The following TXNL4A variants were observed in gnomAD, a reference collection of about 807,000 sequenced individuals.
The protein encoded by TXNL4A is thioredoxin-like protein 4A.
A neutral mutation model predicts 14.6 loss-of-function variants in TXNL4A; 17 were observed. The observed-to-expected ratio is 1.16, with a 90% confidence interval of 0.80 to 1.74. The LOEUF is 1.74. Among genes scored for constraint, TXNL4A ranks in the 40% most tolerant of loss-of-function variants. TXNL4A has a pLI of 0.00. For missense variants in TXNL4A, 74 were observed against 195.2 expected, an observed-to-expected ratio of 0.38 and a Z score of 3.70; for synonymous variants, 83 against 70.6, an observed-to-expected ratio of 1.18 and a Z score of -0.88.
rs1294621155 is a variant in TXNL4A, at chr18:79,982,516, GA to G, written c.154-4816del. Among the ~76,000 whole-genome samples, 4 of 152,170 alleles carry G rather than the reference GA, an allele frequency of 2.6e-5. No homozygotes were observed. The East Asian group carries it at 7.7e-4, about 29-fold the overall frequency. ...GGTGCCAGGCTTGGGAGTGAGTGCA[GA>G]AGCCCACTGTAGAGTTGGGGGCAGG... is the stretch of plus-strand genomic sequence containing the variant. On this transcript the variant is annotated intron_variant, in intron 1 of 2. Transcript: ENST00000269601. This position sits in a 1 kb window ranked among gnomAD's most constrained non-coding sequence, Gnocchi z 4.0.
In TXNL4A at chr18:79,972,411, T is replaced by C. The variant is rs2051311874; in HGVS notation, c.*1274A>G. 6.6e-6 allele frequency: 1 copy of C among 152,214 alleles called. No homozygotes were observed. The highest frequency in any genetic ancestry group is 2.4e-5 in the African/African-American group (1 of 41,412). 9.4% of individuals were successfully genotyped at this position (152,214 alleles called of 1,614,324 possible). A position where few individuals can be genotyped will look rare whatever the true frequency, so the allele number is the denominator to read the frequency against. On this transcript the variant is annotated 3_prime_UTR_variant, in exon 3 of 3. Transcript: ENST00000269601. Reference sequence around the variant, plus strand: ...GGGACACGAAGATCCCAACCAACCATCCACACTGCTAGGATGACAGAGGGC... The same window carrying C: ...GGGACACGAAGATCCCAACCAACCACCCACACTGCTAGGATGACAGAGGGC...
At chr18:79,991,519 A>G (rs1335962468), upstream of TXNL4A, among the ~76,000 whole-genome samples, 1 of 152,242 alleles carries the variant, frequency 6.6e-6, no homozygotes, top group Non-Finnish European at 1.5e-5. Flanking sequence ...ATTCCATTAT[A>G]TGGATATACT....
intron 1 of TXNL4A, among the ~76,000 whole-genome samples, chr18:80,001,472 C>T (rs2051698010): frequency 6.6e-6 from 1 of 152,120 alleles, no homozygotes; most frequent in Admixed American, 6.5e-5. Flanking sequence ...CTGGTAGATC[C>T]ATCAACAGCT....
chr18:80,009,083 A>T (rs978049910), intron 1 of TXNL4A, among the ~76,000 whole-genome samples: 9 of 152,098 alleles, frequency 5.9e-5, no homozygotes, highest in African/African-American at 9.7e-5. Context: ...GGCCTACTTT[A>T]TTTTTCTTTC....
chr18:79,973,493 G>A lies in TXNL4A; in HGVS notation c.*192C>T. The stretch of plus-strand genomic sequence containing the variant: ...GTAATCTATTCATTAAGTTTCCTGA[G>A]AACAAACAAGTAGGCCTGCTCCTCT... On this transcript the variant is annotated 3_prime_UTR_variant, in exon 3 of 3. Transcript: ENST00000269601. 1.8e-6 allele frequency: 1 copy of A among 570,146 alleles called. No homozygotes were observed. Among genetic ancestry groups the A allele is most frequent in the Non-Finnish European group, 2.8e-6 (1 of 354,380 alleles). 35.3% of individuals were successfully genotyped at this position (570,146 alleles called of 1,614,324 possible).
upstream of TXNL4A, among the ~76,000 whole-genome samples, chr18:79,988,782 C>T (rs1301197610): frequency 6.6e-6 from 1 of 151,720 alleles, no homozygotes; most frequent in Non-Finnish European, 1.5e-5. Flanking sequence ...TCCTGAGAAG[C>T]CCCGGGCTCG....
chr18:79,994,966 G>C (rs2051651307), intron 1 of TXNL4A: 1 of 152,238 alleles, frequency 6.6e-6, no homozygotes, highest in Admixed American at 6.5e-5. Flanking sequence ...TATCGCCAGT[G>C]GCAGCCTCTC....
upstream of TXNL4A, among the ~76,000 whole-genome samples, chr18:79,993,416 A>T (rs1274383095): frequency 6.6e-6 from 1 of 152,168 alleles, no homozygotes; most frequent in East Asian, 1.9e-4. The surrounding 1 kb of genome is among the most constrained non-coding windows in gnomAD (Gnocchi z 4.4). Flanking sequence ...AGCACTTTTC[A>T]GCTTGGGCTC....
Position 80,026,943 on chromosome 18 carries a change from C to T in TXNL4A, c.-61+6908G>A, listed in dbSNP as rs1028769082. Among the ~76,000 whole-genome samples, 4 of 152,144 alleles carry T rather than the reference C, an allele frequency of 2.6e-5. No individual in the cohort carries two copies. In the South Asian group the frequency reaches 8.3e-4, roughly 32 times the overall value. ...TAATGTTAAAACATAATCTTGTGAC[C>T]AGGAAAATGAATTGGAGAGAGAGGA... On this transcript the variant is annotated intron_variant, in intron 1 of 2. Transcript: ENST00000585474.
At chr18:80,009,213 A>C (rs1388420874) in intron 1 of TXNL4A, among the ~76,000 whole-genome samples, 1 of 152,230 alleles carries the variant, frequency 6.6e-6, no homozygotes. Flanking sequence ...CCATCATCTT[A>C]CAAGAAGAAA....
In TXNL4A at chr18:79,973,760, C is replaced by T. The variant is rs746566005; in HGVS notation, c.354G>A (p.Thr118=). 5.6e-6 allele frequency: 9 copies of T among 1,614,186 alleles called. No homozygotes were observed. Among genetic ancestry groups the T allele is most frequent in the African/African-American group, 5.3e-5 (4 of 75,032 alleles). The change falls in exon 3 of 3, where the codon ACG becomes ACA. Residue 118 remains threonine, a synonymous_variant. Transcript: ENST00000269601. ...GGCCTTTGCGGGCCCCGCGGTACACCGTCTCGATGATGTCCACCATCTCCT... is the reference window on the plus strand; with the variant it reads ...GGCCTTTGCGGGCCCCGCGGTACACTGTCTCGATGATGTCCACCATCTCCT... ...DKQEMVDIIE[T]VYRGARKGRG... is the part of the protein sequence containing the mutation.
intron 1 of TXNL4A, chr18:79,979,373 A>C (rs1047476055): frequency 2.0e-5 from 3 of 152,222 alleles, no homozygotes; most frequent in African/African-American, 7.2e-5. Context: ...CCCAAATCTC[A>C]GGTTGAAACG....
At chr18:80,008,770 T>C (rs765097403) in intron 1 of TXNL4A, among the ~76,000 whole-genome samples, 3 of 152,096 alleles carry the variant, frequency 2.0e-5, no homozygotes, top group Non-Finnish European at 4.4e-5. Context: ...TTCTACTTCA[T>C]TTTTCTTTCT....
upstream of TXNL4A, among the ~76,000 whole-genome samples, chr18:79,990,817 AC>A (rs1275715035): frequency 6.6e-6 from 1 of 152,010 alleles, no homozygotes; most frequent in Non-Finnish European, 1.5e-5. Context: ...TTTAATAAAA[AC>A]TTTTGGCCGG....
At chr18:80,031,360 G>C (rs958765844) in intron 1 of TXNL4A, among the ~76,000 whole-genome samples, 1 of 152,234 alleles carries the variant, frequency 6.6e-6, no homozygotes, top group Non-Finnish European at 1.5e-5. Context: ...CTAGCTCCAA[G>C]TGGGACATAT....
At chr18:80,028,636 C>T (rs1262896501) in intron 1 of TXNL4A, among the ~76,000 whole-genome samples, 5 of 152,262 alleles carry the variant, frequency 3.3e-5, no homozygotes, top group East Asian at 1.9e-4. Flanking sequence ...GTTTCCTTAT[C>T]AGAGGTAATT....
chr18:79,974,050 A>C (rs890324494), intron 2 of TXNL4A, among the ~76,000 whole-genome samples, 194 bp from the exon 3 acceptor site: 6 of 152,176 alleles, frequency 3.9e-5, no homozygotes, highest in Non-Finnish European at 7.3e-5. Flanking sequence ...GATGCAATGC[A>C]TTGTCCACCA....
intron 1 of TXNL4A, 97 bp downstream of exon 1, chr18:79,988,143 G>C (rs922747802): frequency 7.7e-7 from 1 of 1,299,706 alleles, no homozygotes. Context: ...GCCCCTCCTC[G>C]GGGAACAGCT....
chr18:80,025,193 G>A (rs758833645), intron 1 of TXNL4A, among the ~76,000 whole-genome samples: 1 of 152,196 alleles, frequency 6.6e-6, no homozygotes, highest in East Asian at 1.9e-4. Flanking sequence ...ATTTTCAGTG[G>A]TACCTGGAGA....
Sources: allele counts gnomAD v4.1 joint callset (sites outside exome capture counted in the v4.1 genomes callset), GRCh38; gene constraint gnomAD v4.1.1; non-coding constraint Gnocchi (gnomAD v3.1); transcripts MANE v1.5; gene names NCBI Gene and HGNC (gene_info 2026-07-23, HGNC 2026-07-21).